CELF5: variants seen among roughly 807,000 people sequenced by gnomAD.
CELF5 encodes the protein CUG-BP and ETR-3 like factor 5.
CELF5 carries 6 observed loss-of-function variants against 54.9 expected under a neutral mutation model. The ratio of observed to expected loss-of-function variants is 0.11; its 90% confidence interval spans 0.06 to 0.22. CELF5 has a LOEUF of 0.22. Among genes scored for constraint, CELF5 ranks in the 10% least tolerant of loss-of-function variants. CELF5 has a pLI of 1.00. For synonymous variants in CELF5, 271 were observed against 290.9 expected (o/e 0.93, Z 0.70); for missense variants, 401 against 678.6 (o/e 0.59, Z 4.54).
intron 1 of CELF5, among the ~76,000 whole-genome samples, chr19:3,233,835 T>C (rs1311757664): frequency 2.0e-5 from 3 of 152,066 alleles, no homozygotes; most frequent in Non-Finnish European, 4.4e-5. Context: ...ATATGGACAA[T>C]GTGGATTCTG....
At chr19:3,295,837 C>A in intron 12 of CELF5, 1 of 109,990 alleles carries the variant, frequency 9.1e-6, no homozygotes, top group Non-Finnish European at 2.3e-5. Flanking sequence ...CTTAGCTTTC[C>A]GTCGGAGGGG....
chr19:3,290,193 C>A, intron 10 of CELF5, 38 bp from the exon 11 acceptor site: 1 of 1,605,716 alleles, frequency 6.2e-7, no homozygotes, highest in Non-Finnish European at 8.5e-7. Flanking sequence ...CGCCTCCTCT[C>A]CTTGGGGGCT....
At position 3,260,614 on chromosome 19, in the gene CELF5, C is replaced by A. The variant is rs1221048221; in HGVS notation, c.342+9547C>A. On this transcript the variant is annotated intron_variant, in intron 2 of 12. Coordinates refer to ENST00000292672, the MANE Select transcript of CELF5 (RefSeq NM_021938.4). ...GGACCACAGGTGTGTGCCACCACACCTGGCTAATTTTTTTTTTTTTTTTTT... is the reference window on the plus strand; with the variant it reads ...GGACCACAGGTGTGTGCCACCACACATGGCTAATTTTTTTTTTTTTTTTTT... Among the ~76,000 whole-genome samples, 4 of 144,064 alleles carry A rather than the reference C, an allele frequency of 2.8e-5. No homozygotes were observed. In the South Asian group the frequency reaches 9.0e-4, roughly 33 times the overall value. The allele number at this position is 144,064 out of a possible 152,430, so 94.5% of individuals were successfully genotyped here. A position where few individuals can be genotyped will look rare whatever the true frequency, so the allele number is the denominator to read the frequency against.
At chr19:3,285,840 C>A (rs1005682827) in intron 9 of CELF5, 102 bp from the exon 10 acceptor site, 5 of 396,780 alleles carry the variant, frequency 1.3e-5, no homozygotes, top group Non-Finnish European at 2.0e-5. Context: ...CCTGCCTTGG[C>A]CCCACCCTCT....
chr19:3,235,772 A>AGATGGATGGATGGATGAATGGATG (rs1917565741), intron 1 of CELF5, among the ~76,000 whole-genome samples: 1 of 34,858 alleles, frequency 2.9e-5, no homozygotes, highest in African/African-American at 1.3e-4. Context: ...ATGGGTGGAT[A>AGATGGATGGATGGATGAATGGATG]GATGGATGGA....
Position 3,228,423 on chromosome 19 carries a change from C to A in CELF5, c.259+3425C>A, listed in dbSNP as rs1224537860. Among the ~76,000 whole-genome samples the A allele has an allele frequency of 1.3e-5, 2 of 152,226 alleles. No individual in the cohort carries two copies. Among genetic ancestry groups the A allele is most frequent in the African/African-American group, 2.4e-5 (1 of 41,462 alleles). On this transcript the variant is annotated intron_variant, in intron 1 of 12. Coordinates refer to ENST00000292672, the MANE Select transcript of CELF5 (RefSeq NM_021938.4). The surrounding 1 kb of genome is among the most constrained non-coding windows in gnomAD (Gnocchi z 6.0). ...GGGACCCTCCCTCCAAGGCAGGCAC[C>A]TCTGGAGCTGTGGCTGCCCCTGTCT...
intron 1 of CELF5, among the ~76,000 whole-genome samples, chr19:3,234,716 T>A (rs1372056987): frequency 6.6e-6 from 1 of 152,044 alleles, no homozygotes; most frequent in Non-Finnish European, 1.5e-5. Flanking sequence ...CTTCCCTCTC[T>A]CACAACAACA....
intron 1 of CELF5, among the ~76,000 whole-genome samples, 172 bp downstream of exon 1, chr19:3,225,170 C>G (rs1434884018): frequency 1.0e-5 from 1 of 98,970 alleles, no homozygotes; most frequent in African/African-American, 4.1e-5. Context: ...CCTCCCCTCT[C>G]TGGGGGTGCA....
intron 2 of CELF5, among the ~76,000 whole-genome samples, chr19:3,259,050 G>C (rs979956551): frequency 4.6e-5 from 7 of 152,178 alleles, no homozygotes; most frequent in African/African-American, 1.7e-4. Flanking sequence ...GTGAAGGGTG[G>C]ACAGGGTGGC....
chr19:3,245,113 G>A (rs1274017210), intron 1 of CELF5, among the ~76,000 whole-genome samples: 1 of 147,036 alleles, frequency 6.8e-6, no homozygotes, highest in Admixed American at 6.8e-5. Flanking sequence ...GCATGCACCT[G>A]TGCATGTGTG....
chr19:3,258,855 C>T (rs894398307), intron 2 of CELF5, among the ~76,000 whole-genome samples: 2 of 152,258 alleles, frequency 1.3e-5, no homozygotes, highest in South Asian at 2.1e-4. Flanking sequence ...AAGCGATCCT[C>T]CCGCCTCGGC....
intron 1 of CELF5, among the ~76,000 whole-genome samples, chr19:3,237,874 C>A (rs949195786): frequency 1.3e-5 from 2 of 150,000 alleles, no homozygotes; most frequent in Non-Finnish European, 3.0e-5. Context: ...ACAGTGAAAC[C>A]CCGTCTCTAC....
At chr19:3,273,161 C>G (rs1301230697) in intron 2 of CELF5, among the ~76,000 whole-genome samples, 1 of 152,112 alleles carries the variant, frequency 6.6e-6, no homozygotes, top group African/African-American at 2.4e-5. Flanking sequence ...GAGTAACAAA[C>G]TACTCCAGTC....
At chr19:3,250,871 GCATC>G in intron 1 of CELF5, 110 bp from the exon 2 acceptor site, 3 of 658,586 alleles carry the variant, frequency 4.6e-6, no homozygotes, top group South Asian at 1.9e-5. Context: ...GTAGATCTAT[GCATC>G]TGTGGATGGA....
rs1599459611 is a variant in CELF5, at chr19:3,275,741, C to T, written c.395-115C>T. On this transcript the variant is annotated intron_variant, in intron 3 of 12. Transcript: ENST00000292672. The surrounding 1 kb of genome is among the most constrained non-coding windows in gnomAD (Gnocchi z 6.7). Reference sequence around the variant, plus strand: ...ACGCGCAGAACCGGAGCCGGCAGGGCCCGGGCGCCGCGTCTTCCTGCCCTG... The same window carrying T: ...ACGCGCAGAACCGGAGCCGGCAGGGTCCGGGCGCCGCGTCTTCCTGCCCTG... The T allele has an allele frequency of 8.5e-7, 1 of 1,170,052 alleles. No individual in the cohort carries two copies. The highest frequency in any genetic ancestry group is 2.7e-5 in the East Asian group (1 of 37,182). The allele number at this position is 1,170,052 out of a possible 1,614,324, so 72.5% of individuals were successfully genotyped here.
intron 1 of CELF5, among the ~76,000 whole-genome samples, chr19:3,243,567 C>T (rs1326071754): frequency 6.6e-6 from 1 of 152,166 alleles, no homozygotes; most frequent in African/African-American, 2.4e-5. Context: ...CAGGTGTATG[C>T]CACCACACCT....
chr19:3,251,325 C>G (rs538763498), intron 2 of CELF5, among the ~76,000 whole-genome samples: 2 of 152,228 alleles, frequency 1.3e-5, no homozygotes, highest in East Asian at 1.9e-4. Flanking sequence ...GGCACCTGGC[C>G]CAGTGTGTCG....
chr19:3,256,064 C>CAAAAAAAAAAA (rs1555720976), intron 2 of CELF5, among the ~76,000 whole-genome samples: 14 of 139,612 alleles, frequency 1.0e-4, no homozygotes, highest in African/African-American at 3.8e-4. Context: ...GACCCTGTCT[C>CAAAAAAAAAAA]AAAAAAAAAG....
intron 2 of CELF5, among the ~76,000 whole-genome samples, chr19:3,264,752 T>A (rs1478715404): frequency 6.7e-6 from 1 of 150,022 alleles, no homozygotes; most frequent in African/African-American, 2.5e-5. Flanking sequence ...ACTCTTACTC[T>A]GTCACCCAGG....
Sources: allele counts gnomAD v4.1 joint callset (sites outside exome capture counted in the v4.1 genomes callset), GRCh38; gene constraint gnomAD v4.1.1; non-coding constraint Gnocchi (gnomAD v3.1); transcripts MANE v1.5; gene names NCBI Gene and HGNC (gene_info 2026-07-23, HGNC 2026-07-21).